The following FIG4 variants were observed in gnomAD, a reference collection of about 807,000 sequenced individuals.
FIG4 encodes FIG4 phosphoinositide 5-phosphatase.
A neutral mutation model predicts 118.6 loss-of-function variants in FIG4; 112 were observed. The observed-to-expected ratio is 0.94, with a 90% CI of 0.81 to 1.11. The LOEUF is 1.11. Among genes scored for constraint, FIG4 ranks in the 50% least tolerant of loss-of-function variants. The probability of loss-of-function intolerance (pLI) is 0.00; values close to 1 mark genes in which losing one functional copy is unlikely to be tolerated. For missense variants in FIG4, 969 were observed against 1,111.7 expected (o/e 0.87, Z 1.83); for synonymous variants, 369 against 381.2 (o/e 0.97, Z 0.37).
At chr6:109,774,572 T>G (rs1024022759) in intron 15 of FIG4, among the ~76,000 whole-genome samples, 2 of 152,170 alleles carry the variant, frequency 1.3e-5, no homozygotes. Flanking sequence ...TCAGAAAGGA[T>G]GTAAACAGTT....
At chr6:109,710,480 G>T (rs35749108) in intron 1 of FIG4, among the ~76,000 whole-genome samples, 1 of 152,170 alleles carries the variant, frequency 6.6e-6, no homozygotes, top group Admixed American at 6.5e-5. Context: ...GAATGAGTTA[G>T]GGAGGAGTCC....
intron 18 of FIG4, 74 bp downstream of exon 18, chr6:109,786,523 C>G (rs1777963868): frequency 6.5e-7 from 1 of 1,541,064 alleles, no homozygotes; most frequent in Admixed American, 1.7e-5. Context: ...ATATGTCTGT[C>G]TTTACCAGAA....
At chr6:109,778,200 C>T (rs529718418) in intron 16 of FIG4, among the ~76,000 whole-genome samples, 1 of 152,084 alleles carries the variant, frequency 6.6e-6, no homozygotes, top group African/African-American at 2.4e-5. Context: ...GTGGCTCATG[C>T]CTGTAATCCC....
intron 15 of FIG4, among the ~76,000 whole-genome samples, chr6:109,771,449 C>A (rs1239831281): frequency 5.6e-5 from 8 of 143,694 alleles, no homozygotes; most frequent in African/African-American, 2.0e-4. Flanking sequence ...TGAAAGGGAA[C>A]TTCCTCTAAT....
chr6:109,796,780 G>A lies in FIG4; in HGVS notation c.2475G>A (p.Gly825=). The A allele has an allele frequency of 6.2e-7, 1 of 1,609,090 alleles. No individual in the cohort carries two copies. The highest frequency in any genetic ancestry group is 8.5e-7 in the Non-Finnish European group (1 of 1,175,464). Residue 825 remains glycine (G), a synonymous_variant, in exon 22 of 23, where the codon GGG becomes GGA. Transcript: ENST00000230124. ...FSIYSRFVQL[G]QSQHKQDKNS... is the part of the protein sequence containing the mutation. ...TAATTTGTAGATTTGTTCAGCTGGG[G>A]CAGAGTCAACATAAACAAGACAAGA...
chr6:109,756,003 C>T (rs147088089), intron 10 of FIG4, among the ~76,000 whole-genome samples: 2,232 of 152,232 alleles, frequency 0.015, 58 homozygotes, highest in African/African-American at 0.051. Context: ...TTATTTTGCT[C>T]GTTAGTTGAT....
At chr6:109,788,079 G>A (rs996530633) in intron 18 of FIG4, among the ~76,000 whole-genome samples, 6 of 152,058 alleles carry the variant, frequency 3.9e-5, no homozygotes, top group African/African-American at 1.4e-4. Flanking sequence ...ACAACCATAA[G>A]CTAATGTAAA....
At chr6:109,716,422 A>C in intron 2 of FIG4, 23 bp from the exon 3 acceptor site, 1 of 1,611,990 alleles carries the variant, frequency 6.2e-7, no homozygotes, top group East Asian at 2.2e-5. Flanking sequence ...ACAACCTTAC[A>C]GAGTAAATGT....
At chr6:109,753,096 A>G (rs1414942711) in intron 10 of FIG4, among the ~76,000 whole-genome samples, 1 of 152,136 alleles carries the variant, frequency 6.6e-6, no homozygotes, top group Non-Finnish European at 1.5e-5. Context: ...TAAATAGGGA[A>G]TCCTTTCCCC....
rs566291694 is a variant in FIG4, at chr6:109,784,412, G to A, written c.1890-558G>A. On this transcript the variant is annotated intron_variant, in intron 16 of 22. Coordinates refer to ENST00000230124, the MANE Select transcript of FIG4 (RefSeq NM_014845.6). ...CACATATTTACAGTTAAAGAATAAC[G>A]GTCTATACTGCTTTCTAAGGGAACT... Among the ~76,000 whole-genome samples the A allele has an allele frequency of 5.3e-5, 8 of 152,202 alleles. No individual in the cohort carries two copies. In the South Asian group the frequency reaches 1.5e-3, roughly 28 times the overall value.
intron 10 of FIG4, among the ~76,000 whole-genome samples, chr6:109,759,605 G>C (rs964244142): frequency 6.6e-6 from 1 of 152,154 alleles, no homozygotes; most frequent in South Asian, 2.1e-4. Flanking sequence ...GAACTGTACA[G>C]TAAAGTACTA....
chr6:109,714,841 G>A (rs748800175), intron 1 of FIG4, among the ~76,000 whole-genome samples: 1 of 151,976 alleles, frequency 6.6e-6, no homozygotes, highest in Non-Finnish European at 1.5e-5. Flanking sequence ...CTGGTTACTG[G>A]GCACATTTCA....
At chr6:109,754,385 A>G (rs1330085007) in intron 10 of FIG4, among the ~76,000 whole-genome samples, 2 of 152,190 alleles carry the variant, frequency 1.3e-5, no homozygotes, top group African/African-American at 4.8e-5. Flanking sequence ...CATCAAGGAT[A>G]TTGGGCTAAA....
intron 10 of FIG4, among the ~76,000 whole-genome samples, chr6:109,756,516 A>G (rs1041651168): frequency 1.3e-5 from 2 of 152,250 alleles, no homozygotes; most frequent in South Asian, 2.1e-4. Flanking sequence ...CTCCTGGATA[A>G]TATCCTGCAG....
chr6:109,779,325 AC>A (rs1174919286), intron 16 of FIG4, among the ~76,000 whole-genome samples: 2 of 152,180 alleles, frequency 1.3e-5, no homozygotes, highest in African/African-American at 2.4e-5. Flanking sequence ...CATAATTTAA[AC>A]CCCTTGCTCA....
intron 16 of FIG4, among the ~76,000 whole-genome samples, chr6:109,781,259 T>C (rs1777792912): frequency 6.6e-6 from 1 of 152,214 alleles, no homozygotes; most frequent in Admixed American, 6.5e-5. Flanking sequence ...CTCATCCACT[T>C]GATAATCTTT....
chr6:109,769,056 G>A (rs905883126), intron 15 of FIG4, among the ~76,000 whole-genome samples: 1 of 151,266 alleles, frequency 6.6e-6, no homozygotes, highest in South Asian at 2.1e-4. Context: ...TCCTGTGGTC[G>A]TTGTCCCTGT....
chr6:109,695,669 T>C (rs546193473), intron 1 of FIG4, among the ~76,000 whole-genome samples: 1 of 152,180 alleles, frequency 6.6e-6, no homozygotes, highest in African/African-American at 2.4e-5. Context: ...TTTGCTTTAA[T>C]TGGACCACTG....
chr6:109,773,405 T>G (rs767919610), intron 15 of FIG4, among the ~76,000 whole-genome samples: 1 of 152,226 alleles, frequency 6.6e-6, no homozygotes, highest in Non-Finnish European at 1.5e-5. Context: ...TTACCATTTC[T>G]GAGACAGAAA....
Sources: gnomAD v4.1 joint callset for allele counts (sites outside exome capture counted in the v4.1 genomes callset) on GRCh38, gnomAD v4.1.1 for gene constraint, MANE v1.5 for transcripts, NCBI Gene and HGNC (gene_info 2026-07-23, HGNC 2026-07-21) for gene names.